Variants in CLCN4 observed in about 807,000 individuals in gnomAD.
The protein encoded by CLCN4 is H(+)/Cl(-) exchange transporter 4.
In CLCN4, 1 loss-of-function variant was observed where a neutral mutation model predicts 41.7. The observed-to-expected ratio is 0.02, with a 90% CI of 0.01 to 0.11. The LOEUF (loss-of-function observed/expected upper bound fraction) is 0.11. Among genes scored for constraint, CLCN4 ranks in the 10% least tolerant of loss-of-function variants. The pLI is 1.00. For missense variants in CLCN4, 287 were observed against 661.0 expected, an observed-to-expected ratio of 0.43 and a Z score of 6.20; for synonymous variants, 277 against 285.8, an observed-to-expected ratio of 0.97 and a Z score of 0.31.
At chrX:10,230,185 G>C (rs1385719998) in intron 12 of CLCN4, among the ~76,000 whole-genome samples, 2 of 111,789 alleles carry the variant, frequency 1.8e-5, no homozygotes, top group African/African-American at 6.5e-5. Context: ...TAGTTTGCTA[G>C]TGTTTTCTCC....
chrX:10,219,854 C>G (rs1289784208), intron 11 of CLCN4, among the ~76,000 whole-genome samples: 1 of 111,994 alleles, frequency 8.9e-6, no homozygotes, highest in Non-Finnish European at 1.9e-5. Context: ...ATCTTGAGAC[C>G]GATGGATTTA....
intron 6 of CLCN4, 137 bp downstream of exon 6, chrX:10,198,198 A>G (rs1924148120): frequency 1.6e-6 from 1 of 609,937 alleles, no homozygotes; most frequent in Admixed American, 4.1e-5. Flanking sequence ...TGACGTAGGT[A>G]CTATTATTCT....
intron 2 of CLCN4, among the ~76,000 whole-genome samples, chrX:10,181,212 TAGCC>T (rs1461012213): frequency 9.1e-6 from 1 of 109,639 alleles, no homozygotes; most frequent in Admixed American, 9.8e-5. Flanking sequence ...AAAAAAAAAT[TAGCC>T]AGTGTGGTGG....
intron 2 of CLCN4, among the ~76,000 whole-genome samples, chrX:10,174,568 C>T (rs1323064666): frequency 8.9e-6 from 1 of 112,275 alleles, no homozygotes; most frequent in Non-Finnish European, 1.9e-5. Context: ...TCTTGTTAGC[C>T]CATATTGCAG....
intron 4 of CLCN4, among the ~76,000 whole-genome samples, chrX:10,191,551 C>T (rs891105180): frequency 1.8e-4 from 20 of 111,416 alleles, no homozygotes; most frequent in African/African-American, 6.5e-4. Context: ...TGGGTATATG[C>T]CTAGGAATAG....
chrX:10,231,293 A>G (rs1208529730), intron 12 of CLCN4, among the ~76,000 whole-genome samples: 1 of 112,012 alleles, frequency 8.9e-6, no homozygotes, highest in Non-Finnish European at 1.9e-5. Context: ...GGTTTTGGCA[A>G]TTATGAATGA....
rs150260172 is a variant in CLCN4, at chrX:10,173,375, G to A, written c.-11-11647G>A. Among the ~76,000 whole-genome samples, 309 of 111,366 alleles carry A rather than the reference G, an allele frequency of 2.8e-3. 1 individual carries two copies. Among genetic ancestry groups the A allele is most frequent in the African/African-American group, 9.8e-3 (301 of 30,600 alleles). The stretch of plus-strand genomic sequence containing the variant: ...CTGGGGAGCTTTTAAAAATGCTGAT[G>A]CCTGGGCGCTGCCTCAGGGACCCCG... On this transcript the variant is annotated intron_variant, in intron 2 of 12. Coordinates refer to ENST00000380833, the MANE Select transcript of CLCN4 (RefSeq NM_001830.4).
At chrX:10,181,508 G>C (rs1923684229) in intron 2 of CLCN4, among the ~76,000 whole-genome samples, 1 of 112,060 alleles carries the variant, frequency 8.9e-6, no homozygotes, top group Admixed American at 9.4e-5. Context: ...GTGTGAATAG[G>C]AGCTTTCAAG....
chrX:10,187,671 A>C, intron 4 of CLCN4, 57 bp downstream of exon 4: 1 of 897,934 alleles, frequency 1.1e-6, no homozygotes, highest in Non-Finnish European at 1.6e-6. Context: ...GAAACCTCAA[A>C]ACACGAACCC....
At chrX:10,181,220 G>A (rs1475727710) in intron 2 of CLCN4, among the ~76,000 whole-genome samples, 2 of 110,388 alleles carry the variant, frequency 1.8e-5, no homozygotes, top group African/African-American at 6.6e-5. Context: ...ATTAGCCAGT[G>A]TGGTGGCATG....
At chrX:10,169,758 CTTGA>C (rs1437742449) in intron 2 of CLCN4, among the ~76,000 whole-genome samples, 3 of 103,388 alleles carry the variant, frequency 2.9e-5, no homozygotes, top group Non-Finnish European at 3.9e-5. Flanking sequence ...AAAAATCTTT[CTTGA>C]TTCTTTTTTT....
intron 6 of CLCN4, among the ~76,000 whole-genome samples, chrX:10,200,655 T>C (rs777223923): frequency 8.9e-6 from 1 of 112,097 alleles, no homozygotes; most frequent in South Asian, 3.7e-4. Context: ...ATAGCTGAAC[T>C]CAGAAGGAGT....
chrX:10,199,857 C>T (rs1036012160), intron 6 of CLCN4, among the ~76,000 whole-genome samples: 4 of 110,884 alleles, frequency 3.6e-5, no homozygotes, highest in African/African-American at 1.3e-4. Flanking sequence ...TTCCCAGGTT[C>T]AAGCGATTCT....
At chrX:10,174,856 G>A (rs1923477342) in intron 2 of CLCN4, among the ~76,000 whole-genome samples, 1 of 112,001 alleles carries the variant, frequency 8.9e-6, no homozygotes, top group Non-Finnish European at 1.9e-5. Flanking sequence ...CTGCCCCTCA[G>A]AATACTCTCC....
chrX:10,202,670 A>AAG (rs1479014224), intron 6 of CLCN4, among the ~76,000 whole-genome samples: 1 of 92,172 alleles, frequency 1.1e-5, no homozygotes, highest in Non-Finnish European at 2.1e-5. Context: ...AAAAAAAAAA[A>AAG]GAGTGAATAC....
intron 9 of CLCN4, among the ~76,000 whole-genome samples, chrX:10,209,300 C>CCCTT (rs1924482110): frequency 1.2e-5 from 1 of 83,699 alleles, no homozygotes; most frequent in Admixed American, 1.5e-4. Context: ...TCCCTTCCTT[C>CCCTT]CCTTCCTTCC....
chrX:10,159,928 G>A (rs753502917), intron 2 of CLCN4, among the ~76,000 whole-genome samples: 11 of 110,865 alleles, frequency 9.9e-5, no homozygotes, highest in Admixed American at 2.9e-4. Context: ...TTTGGGCCTC[G>A]ACTATCTCGT....
intron 8 of CLCN4, among the ~76,000 whole-genome samples, chrX:10,207,132 G>C (rs770682746): frequency 2.4e-4 from 27 of 111,154 alleles, no homozygotes; most frequent in Non-Finnish European, 1.5e-4. Flanking sequence ...TATTGGTCAG[G>C]CTGGTCTTGA....
chrX:10,190,873 C>G (rs1569227115), intron 4 of CLCN4, among the ~76,000 whole-genome samples: 1 of 111,914 alleles, frequency 8.9e-6, no homozygotes, highest in Non-Finnish European at 1.9e-5. Flanking sequence ...TATTTGGAAT[C>G]AAGTCTTTCA....
Sources: allele counts gnomAD v4.1 joint callset (sites outside exome capture counted in the v4.1 genomes callset), GRCh38; gene constraint gnomAD v4.1.1; transcripts MANE v1.5; gene names NCBI Gene and HGNC (gene_info 2026-07-23, HGNC 2026-07-21).